THSD7B: variants seen among roughly 807,000 people sequenced by gnomAD.
The protein encoded by THSD7B is thrombospondin type 1 domain containing 7B.
A neutral mutation model predicts 213.6 loss-of-function variants in THSD7B; 138 were observed. The ratio of observed to expected loss-of-function variants is 0.65; its 90% CI spans 0.56 to 0.74. The LOEUF is 0.74. Among genes scored for constraint, THSD7B ranks in the 30% least tolerant of loss-of-function variants. The pLI is 0.00. For missense variants in THSD7B, 1,931 were observed against 1,991.5 expected (o/e 0.97, Z 0.58); for synonymous variants, 742 against 687.0 (o/e 1.08, Z -1.25).
At chr2:137,562,758 G>A (rs1337576707) in intron 15 of THSD7B, among the ~76,000 whole-genome samples, 1 of 151,952 alleles carries the variant, frequency 6.6e-6, no homozygotes, top group African/African-American at 2.4e-5. Context: ...GAAATTTCCG[G>A]TACAAATCAT....
intron 7 of THSD7B, among the ~76,000 whole-genome samples, chr2:137,226,413 C>G (rs1365684494): frequency 1.3e-5 from 2 of 151,064 alleles, no homozygotes; most frequent in African/African-American, 4.9e-5. Flanking sequence ...GACACCTGTA[C>G]TCTAGGGTCA....
intron 1 of THSD7B, among the ~76,000 whole-genome samples, chr2:136,789,932 T>C (rs944676713): frequency 4.6e-5 from 7 of 152,176 alleles, no homozygotes; most frequent in African/African-American, 1.7e-4. Context: ...TTTTAATTGA[T>C]AGAAAAGATG....
chr2:137,485,747 A>T (rs1688425650), intron 15 of THSD7B, among the ~76,000 whole-genome samples: 1 of 152,198 alleles, frequency 6.6e-6, no homozygotes, highest in Non-Finnish European at 1.5e-5. Flanking sequence ...GCCAGGGAGA[A>T]AGATCGGGTT....
intron 1 of THSD7B, among the ~76,000 whole-genome samples, chr2:136,795,829 A>G (rs1162847058): frequency 6.6e-6 from 1 of 151,842 alleles, no homozygotes; most frequent in East Asian, 1.9e-4. Flanking sequence ...TTATGATTTT[A>G]GTGGTTACTG....
At chr2:137,459,321 A>G (rs577603705) in intron 15 of THSD7B, among the ~76,000 whole-genome samples, 2 of 152,214 alleles carry the variant, frequency 1.3e-5, no homozygotes, top group Non-Finnish European at 2.9e-5. Context: ...AGGTTCCTGC[A>G]GAAAAACATT....
At chr2:137,406,985 G>A (rs1341641756) in intron 13 of THSD7B, among the ~76,000 whole-genome samples, 1 of 152,238 alleles carries the variant, frequency 6.6e-6, no homozygotes, top group East Asian at 1.9e-4. Context: ...CAAACATAAC[G>A]CATCGGAAGC....
intron 2 of THSD7B, among the ~76,000 whole-genome samples, chr2:136,940,347 C>CT (rs1362623448): frequency 6.6e-6 from 1 of 152,100 alleles, no homozygotes; most frequent in Admixed American, 6.6e-5. Context: ...TAATTTCATT[C>CT]TTTTTTGTGG....
intron 1 of THSD7B, among the ~76,000 whole-genome samples, chr2:136,820,447 C>G (rs536396178): frequency 4.2e-4 from 64 of 152,256 alleles, no homozygotes; most frequent in African/African-American, 1.5e-3. Context: ...GTTATTTTGC[C>G]ACAAATGCAA....
At chr2:137,317,229 C>A (rs1052991415) in intron 12 of THSD7B, among the ~76,000 whole-genome samples, 1 of 152,002 alleles carries the variant, frequency 6.6e-6, no homozygotes, top group Non-Finnish European at 1.5e-5. Context: ...TTTTTATTTT[C>A]CCAAGAATTC....
intron 1 of THSD7B, among the ~76,000 whole-genome samples, chr2:136,826,606 T>C (rs1682650115): frequency 6.6e-6 from 1 of 152,192 alleles, no homozygotes; most frequent in Non-Finnish European, 1.5e-5. Flanking sequence ...ATGGGGAGCC[T>C]TTTGTCCTAG....
intron 3 of THSD7B, among the ~76,000 whole-genome samples, chr2:137,089,272 G>GTATA (rs1558916459): frequency 1.2e-3 from 171 of 138,976 alleles, no homozygotes; most frequent in African/African-American, 5.1e-3. Flanking sequence ...GTGTGTGTGT[G>GTATA]TGTATATGTA....
At chr2:137,126,299 G>T (rs553320951) in intron 5 of THSD7B, among the ~76,000 whole-genome samples, 1 of 152,238 alleles carries the variant, frequency 6.6e-6, no homozygotes, top group African/African-American at 2.4e-5. Context: ...TTCCAGTGTA[G>T]CCACCTTCAT....
chr2:137,156,639 A>G (rs887312901), intron 5 of THSD7B, among the ~76,000 whole-genome samples: 1 of 152,158 alleles, frequency 6.6e-6, no homozygotes, highest in African/African-American at 2.4e-5. Flanking sequence ...CAGGCCTCCA[A>G]AAATAAGCCA....
chr2:136,801,635 C>A (rs556144945), intron 1 of THSD7B, among the ~76,000 whole-genome samples: 3 of 151,864 alleles, frequency 2.0e-5, no homozygotes, highest in Non-Finnish European at 4.4e-5. Context: ...AGAAAAATGG[C>A]GGTGGAGCAA....
chr2:136,976,832 A>G (rs1331519228), intron 2 of THSD7B, among the ~76,000 whole-genome samples: 1 of 152,046 alleles, frequency 6.6e-6, no homozygotes, highest in Non-Finnish European at 1.5e-5. Context: ...TGTGTTAGCC[A>G]GGATAGTCTC....
chr2:137,237,050 G>T (rs1681780182), intron 9 of THSD7B, among the ~76,000 whole-genome samples: 2 of 149,120 alleles, frequency 1.3e-5, no homozygotes, highest in Admixed American at 6.8e-5. Context: ...GGCAGAGCTT[G>T]CAGTGAGCTG....
intron 14 of THSD7B, among the ~76,000 whole-genome samples, chr2:137,416,485 C>T (rs1331833968): frequency 6.6e-6 from 1 of 152,168 alleles, no homozygotes; most frequent in East Asian, 1.9e-4. Context: ...TTTAAAACAT[C>T]CATGTAGATC....
chr2:137,609,487 C>G (rs892357026), intron 17 of THSD7B, among the ~76,000 whole-genome samples: 3 of 152,142 alleles, frequency 2.0e-5, no homozygotes, highest in African/African-American at 7.2e-5. Flanking sequence ...ACAGCAAGAT[C>G]AAGGCCCTGG....
intron 2 of THSD7B, among the ~76,000 whole-genome samples, chr2:136,894,521 A>C (rs947362477): frequency 1.9e-4 from 29 of 152,182 alleles, no homozygotes; most frequent in African/African-American, 7.0e-4. Flanking sequence ...GAGAAGCATG[A>C]TATAAAACCT....
Sources: gnomAD v4.1 joint callset for allele counts (sites outside exome capture counted in the v4.1 genomes callset) on GRCh38, gnomAD v4.1.1 for gene constraint, MANE v1.5 for transcripts, NCBI Gene and HGNC (gene_info 2026-07-23, HGNC 2026-07-21) for gene names.